Variants in L3MBTL4 observed in about 807,000 individuals in gnomAD.
L3MBTL4 encodes the protein L3MBTL histone methyl-lysine binding protein 4.
A neutral mutation model predicts 84.5 loss-of-function variants in L3MBTL4; 70 were observed. The observed-to-expected ratio is 0.83, with a 90% CI of 0.68 to 1.01. The LOEUF (loss-of-function observed/expected upper bound fraction) is 1.01. L3MBTL4 is among the 50% of genes least tolerant of loss of function. L3MBTL4 has a pLI of 0.00. For missense variants in L3MBTL4, 715 were observed against 754.8 expected (o/e 0.95, Z 0.62); for synonymous variants, 274 against 259.8 (o/e 1.05, Z -0.52).
chr18:6,135,508 T>G (rs1180084882), intron 14 of L3MBTL4, among the ~76,000 whole-genome samples: 1 of 152,256 alleles, frequency 6.6e-6, no homozygotes, highest in African/African-American at 2.4e-5. Context: ...AACTTTTGAA[T>G]GCTTTGCTGC....
At chr18:6,141,887 T>C (rs2060206337) in intron 13 of L3MBTL4, among the ~76,000 whole-genome samples, 1 of 152,186 alleles carries the variant, frequency 6.6e-6, no homozygotes, top group South Asian at 2.1e-4. Flanking sequence ...AAAACTCGAA[T>C]TTTTACCCTG....
At chr18:6,047,954 T>G (rs1007266204) in intron 16 of L3MBTL4, among the ~76,000 whole-genome samples, 4 of 152,122 alleles carry the variant, frequency 2.6e-5, no homozygotes, top group Middle Eastern at 6.3e-3. Context: ...AGGAAAAGAA[T>G]AAGTCAAATT....
chr18:6,396,187 T>G (rs1252505935), intron 1 of L3MBTL4: 3 of 152,374 alleles, frequency 2.0e-5, no homozygotes, highest in East Asian at 1.9e-4. Context: ...AGGGCTCTTC[T>G]TATAAAGATT....
intron 15 of L3MBTL4, among the ~76,000 whole-genome samples, chr18:6,092,555 C>A (rs2058494508): frequency 6.6e-6 from 1 of 152,212 alleles, no homozygotes; most frequent in Non-Finnish European, 1.5e-5. Context: ...AACATGATTG[C>A]CTTTTGCCTG....
chr18:6,244,590 T>C lies in L3MBTL4; in HGVS notation c.220-2A>G. 1 of 1,603,716 alleles carries C rather than the reference T, an allele frequency of 6.2e-7. No homozygotes were observed. Among genetic ancestry groups the C allele is most frequent in the Non-Finnish European group, 8.5e-7 (1 of 1,170,920 alleles). On this transcript the variant is annotated splice_acceptor_variant, in intron 5 of 18. Transcript: ENST00000317931. LOFTEE classifies it high-confidence loss of function. ...TTCATGCTCTGGAAAGGACTGATCC[T>C]ACAAAATTTCACGACATAACATTAG...
intron 14 of L3MBTL4, among the ~76,000 whole-genome samples, chr18:6,099,215 T>C (rs560023730): frequency 1.4e-4 from 21 of 152,304 alleles, no homozygotes; most frequent in African/African-American, 2.2e-4. Context: ...TTCAGAACTG[T>C]ATTGTCTTTA....
At position 6,302,010 on chromosome 18, in the gene L3MBTL4, C is replaced by T. The variant is rs1381300104; in HGVS notation, c.73-53G>A. On this transcript the variant is annotated intron_variant, in intron 3 of 18. Coordinates refer to ENST00000317931, the MANE Select transcript of L3MBTL4 (RefSeq NM_001330559.2). ...GGTATTGCTGGATAATTGTTGGAAACACTGAAAACTAATGTTCCTTTTTGC... is the reference window on the plus strand; with the variant it reads ...GGTATTGCTGGATAATTGTTGGAAATACTGAAAACTAATGTTCCTTTTTGC... The T allele has an allele frequency of 2.2e-6, 3 of 1,368,250 alleles. No individual in the cohort carries two copies. In the East Asian group the frequency reaches 6.9e-5, roughly 31 times the overall value. 84.8% of individuals were successfully genotyped at this position (1,368,250 alleles called of 1,614,324 possible).
chr18:5,981,042 C>T (rs901058097), intron 16 of L3MBTL4, among the ~76,000 whole-genome samples: 7 of 152,138 alleles, frequency 4.6e-5, no homozygotes, highest in African/African-American at 1.7e-4. Context: ...TCTGAGGAGG[C>T]CCTCCTGCCT....
intron 16 of L3MBTL4, among the ~76,000 whole-genome samples, chr18:6,073,955 G>A (rs151325510): frequency 2.1e-3 from 312 of 152,096 alleles, no homozygotes; most frequent in African/African-American, 7.2e-3. Context: ...TCCATTCCTT[G>A]GTAAACTGTC....
intron 1 of L3MBTL4, among the ~76,000 whole-genome samples, chr18:6,359,414 C>T (rs758947198): frequency 6.6e-6 from 1 of 152,128 alleles, no homozygotes; most frequent in African/African-American, 2.4e-5. Flanking sequence ...CACTGCATTC[C>T]AGCCTGGGCA....
intron 13 of L3MBTL4, among the ~76,000 whole-genome samples, chr18:6,147,617 T>C (rs747043393): frequency 6.6e-6 from 1 of 152,162 alleles, no homozygotes; most frequent in African/African-American, 2.4e-5. Flanking sequence ...CTGCCTGACA[T>C]AGGGATATGT....
At chr18:6,151,304 A>C (rs980303464) in intron 13 of L3MBTL4, among the ~76,000 whole-genome samples, 2 of 152,330 alleles carry the variant, frequency 1.3e-5, no homozygotes, top group Admixed American at 6.5e-5. Flanking sequence ...TTGGGACAAA[A>C]ATTCAAGGTT....
intron 16 of L3MBTL4, among the ~76,000 whole-genome samples, chr18:6,035,452 T>G (rs1396637959): frequency 6.6e-6 from 1 of 150,708 alleles, no homozygotes; most frequent in Admixed American, 6.6e-5. Flanking sequence ...AAAGATCAGA[T>G]AGTTGTAGAT....
chr18:6,066,972 C>T (rs1207092073), intron 16 of L3MBTL4, among the ~76,000 whole-genome samples: 1 of 148,630 alleles, frequency 6.7e-6, no homozygotes, highest in Non-Finnish European at 1.5e-5. Context: ...GAGATTTGTG[C>T]TTTAAGGAAG....
intron 16 of L3MBTL4, among the ~76,000 whole-genome samples, chr18:6,047,860 A>G (rs1459057910): frequency 6.6e-6 from 1 of 152,154 alleles, no homozygotes; most frequent in African/African-American, 2.4e-5. Flanking sequence ...AAAGATGCCC[A>G]CTCTCACCAC....
intron 14 of L3MBTL4, among the ~76,000 whole-genome samples, chr18:6,094,629 A>G (rs2058571481): frequency 1.3e-5 from 2 of 152,312 alleles, no homozygotes; most frequent in South Asian, 4.1e-4. Context: ...CATAGTACAA[A>G]GTAAATCCAT....
At chr18:6,219,254 G>T (rs1222656419) in intron 10 of L3MBTL4, among the ~76,000 whole-genome samples, 1 of 151,806 alleles carries the variant, frequency 6.6e-6, no homozygotes, top group African/African-American at 2.4e-5. Context: ...AAAACCCAGC[G>T]CATCCATGAT....
intron 16 of L3MBTL4, 116 bp downstream of exon 16, chr18:6,080,765 A>G: frequency 1.4e-6 from 1 of 708,346 alleles, no homozygotes; most frequent in Non-Finnish European, 2.3e-6. Context: ...TTTGACTTCT[A>G]GTTAGGCTCT....
chr18:6,063,180 T>A (rs903084371), intron 16 of L3MBTL4, among the ~76,000 whole-genome samples: 1 of 151,982 alleles, frequency 6.6e-6, no homozygotes, highest in African/African-American at 2.4e-5. Context: ...TCTTTCTTTT[T>A]ATGGCTGAGT....
Sources: allele counts gnomAD v4.1 joint callset (sites outside exome capture counted in the v4.1 genomes callset), GRCh38; gene constraint gnomAD v4.1.1; transcripts MANE v1.5; gene names NCBI Gene and HGNC (gene_info 2026-07-23, HGNC 2026-07-21).